NECAB1: variants seen among roughly 807,000 people sequenced by gnomAD.
NECAB1 encodes N-terminal EF-hand calcium-binding protein 1.
A neutral mutation model predicts 57.5 loss-of-function variants in NECAB1; 29 were observed. The observed-to-expected ratio is 0.50, with a 90% confidence interval of 0.38 to 0.69. NECAB1 has a LOEUF of 0.69. NECAB1 is among the 30% of genes least tolerant of loss of function. The probability of loss-of-function intolerance (pLI) is 0.00; values close to 1 mark genes in which losing one functional copy is unlikely to be tolerated. For missense variants in NECAB1, 372 were observed against 413.8 expected, an observed-to-expected ratio of 0.90 and a Z score of 0.88; for synonymous variants, 142 against 147.7, an observed-to-expected ratio of 0.96 and a Z score of 0.28.
chr8:90,806,473 G>GT (rs1174983219), intron 2 of NECAB1: 1 of 152,170 alleles, frequency 6.6e-6, no homozygotes, highest in African/African-American at 2.4e-5. Flanking sequence ...ACAAAGCACT[G>GT]TTGTTATTTA....
chr8:90,868,737 A>T (rs1043718920), intron 3 of NECAB1, among the ~76,000 whole-genome samples: 1 of 152,278 alleles, frequency 6.6e-6, no homozygotes, highest in African/African-American at 2.4e-5. Context: ...AGGGAAGCAG[A>T]GCATAAAAGT....
chr8:90,955,328 A>G (rs529714700), intron 12 of NECAB1, among the ~76,000 whole-genome samples, 159 bp from the exon 13 acceptor site: 8 of 151,572 alleles, frequency 5.3e-5, no homozygotes, highest in Non-Finnish European at 1.2e-4. Flanking sequence ...GAAGAGTTCA[A>G]TCTTGCCTCA....
At chr8:90,839,478 A>G (rs542143777) in intron 3 of NECAB1, among the ~76,000 whole-genome samples, 1 of 152,210 alleles carries the variant, frequency 6.6e-6, no homozygotes, top group Non-Finnish European at 1.5e-5. Flanking sequence ...TAGCAGAGAA[A>G]GTAGACAAGC....
intron 8 of NECAB1, among the ~76,000 whole-genome samples, chr8:90,929,041 T>C (rs1008193537): frequency 2.6e-5 from 4 of 152,230 alleles, no homozygotes; most frequent in African/African-American, 7.2e-5. Flanking sequence ...GCACTGACTT[T>C]GAAGAAAGCA....
chr8:90,887,470 CT>C (rs1381059174), intron 5 of NECAB1, among the ~76,000 whole-genome samples: 1 of 152,120 alleles, frequency 6.6e-6, no homozygotes, highest in Non-Finnish European at 1.5e-5. Flanking sequence ...TTAGCCTATT[CT>C]TACGTATTTT....
rs528120401 is a variant in NECAB1 at position 90,883,248 on chromosome 8, A to T, written c.357+2118A>T. Among the ~76,000 whole-genome samples the T allele has an allele frequency of 1.5e-4, 23 of 152,288 alleles. No individual in the cohort carries two copies. In the South Asian group the frequency reaches 4.8e-3, roughly 32 times the overall value. ...AAAACATATGTCTCTGATTTAAATT[A>T]AAAAGGAAAAAGAAAAAAAAGAAAT... is the stretch of plus-strand genomic sequence containing the variant. On this transcript the variant is annotated intron_variant, in intron 5 of 12. Coordinates refer to ENST00000417640, the MANE Select transcript of NECAB1 (RefSeq NM_022351.5).
chr8:90,864,294 A>G (rs1808465173), intron 3 of NECAB1, among the ~76,000 whole-genome samples: 2 of 136,728 alleles, frequency 1.5e-5, no homozygotes, highest in African/African-American at 5.4e-5. Flanking sequence ...AAAACGAGGA[A>G]GGAAGGGAGG....
chr8:90,871,476 G>T (rs1287021486), intron 3 of NECAB1, among the ~76,000 whole-genome samples: 1 of 152,002 alleles, frequency 6.6e-6, no homozygotes, highest in Non-Finnish European at 1.5e-5. Flanking sequence ...TTGATGTTTG[G>T]CATTTGCCTT....
At chr8:90,818,463 A>C (rs1489509106) in intron 2 of NECAB1, among the ~76,000 whole-genome samples, 1 of 151,996 alleles carries the variant, frequency 6.6e-6, no homozygotes, top group African/African-American at 2.4e-5. Context: ...TATTTGTTTG[A>C]GAAGGACTTT....
intron 2 of NECAB1, among the ~76,000 whole-genome samples, chr8:90,816,668 A>G (rs1045398124): frequency 1.3e-5 from 2 of 151,730 alleles, no homozygotes; most frequent in Non-Finnish European, 3.0e-5. Context: ...TGGACTCTAA[A>G]TTCTGATCAG....
At chr8:90,794,065 G>A (rs913896325) in intron 1 of NECAB1, among the ~76,000 whole-genome samples, 1 of 152,214 alleles carries the variant, frequency 6.6e-6, no homozygotes, top group East Asian at 1.9e-4. Flanking sequence ...CCTATGAGAG[G>A]TGTTGACATG....
At chr8:90,793,251 G>A (rs1811605194) in intron 1 of NECAB1, among the ~76,000 whole-genome samples, 1 of 152,168 alleles carries the variant, frequency 6.6e-6, no homozygotes, top group African/African-American at 2.4e-5. Context: ...TCTAGGGAAA[G>A]AAACTCCTAT....
At chr8:90,901,774 G>GCT (rs1370392678) in intron 5 of NECAB1, among the ~76,000 whole-genome samples, 2 of 152,018 alleles carry the variant, frequency 1.3e-5, no homozygotes, top group African/African-American at 2.4e-5. Flanking sequence ...GAATAGTATC[G>GCT]CTCTCTCACA....
chr8:90,795,311 C>G (rs1054132350), intron 1 of NECAB1, among the ~76,000 whole-genome samples: 1 of 152,178 alleles, frequency 6.6e-6, no homozygotes, highest in Admixed American at 6.5e-5. Flanking sequence ...TTCATCCACC[C>G]AATGCCACTT....
At chr8:90,914,642 G>T (rs919921744) in intron 5 of NECAB1, among the ~76,000 whole-genome samples, 7 of 152,124 alleles carry the variant, frequency 4.6e-5, no homozygotes, top group African/African-American at 1.7e-4. Context: ...CACTAGTAAG[G>T]TTATCAAACT....
At chr8:90,896,733 C>A (rs1809351473) in intron 5 of NECAB1, among the ~76,000 whole-genome samples, 1 of 152,186 alleles carries the variant, frequency 6.6e-6, no homozygotes, top group Non-Finnish European at 1.5e-5. Context: ...TTATCTACTC[C>A]ACCCTGACTC....
chr8:90,841,361 A>T (rs1377438290), intron 3 of NECAB1, among the ~76,000 whole-genome samples: 1 of 152,184 alleles, frequency 6.6e-6, no homozygotes, highest in East Asian at 1.9e-4. Context: ...TTCAAGATTA[A>T]TATCTCCCTT....
At chr8:90,849,819 G>A (rs1057316712) in intron 3 of NECAB1, among the ~76,000 whole-genome samples, 6 of 148,866 alleles carry the variant, frequency 4.0e-5, no homozygotes, top group South Asian at 2.1e-4. Context: ...TCAGCCTCCC[G>A]AGTACACTAT....
At chr8:90,887,589 GCTCA>G (rs1203370170) in intron 5 of NECAB1, among the ~76,000 whole-genome samples, 4 of 152,160 alleles carry the variant, frequency 2.6e-5, no homozygotes, top group Non-Finnish European at 4.4e-5. Flanking sequence ...AGAGGTCAGT[GCTCA>G]CTGAGTAATC....
Sources: gnomAD v4.1 joint callset for allele counts (sites outside exome capture counted in the v4.1 genomes callset) on GRCh38, gnomAD v4.1.1 for gene constraint, MANE v1.5 for transcripts, NCBI Gene and HGNC (gene_info 2026-07-23, HGNC 2026-07-21) for gene names.